MYRFL: variants seen among roughly 807,000 people sequenced by gnomAD.
The protein encoded by MYRFL is myelin regulatory factor like.
A neutral mutation model predicts 109.4 loss-of-function variants in MYRFL; 88 were observed. The observed-to-expected ratio is 0.80, with a 90% CI of 0.68 to 0.96. MYRFL has a LOEUF of 0.96. MYRFL is among the 40% of genes least tolerant of loss of function. The pLI is 0.00. For missense variants in MYRFL, 957 were observed against 954.9 expected, an observed-to-expected ratio of 1.00 and a Z score of -0.03; for synonymous variants, 324 against 320.9, an observed-to-expected ratio of 1.01 and a Z score of -0.10.
intron 15 of MYRFL, 104 bp from the exon 16 acceptor site, chr12:69,932,409 C>T (rs1052712155): frequency 2.8e-6 from 2 of 721,530 alleles, no homozygotes; most frequent in Non-Finnish European, 4.7e-6. Context: ...CTCAAACTAT[C>T]CCAAGAGAGC....
chr12:69,901,642 T>C (rs12368857), intron 10 of MYRFL, among the ~76,000 whole-genome samples: 48,208 of 152,010 alleles, frequency 0.32, 7,949 homozygotes, highest in African/African-American at 0.36. Flanking sequence ...GCTCATTATG[T>C]TCAAAATAGA....
chr12:69,834,701 A>G (rs1288852948), intron 1 of MYRFL, among the ~76,000 whole-genome samples: 1 of 152,216 alleles, frequency 6.6e-6, no homozygotes. Flanking sequence ...TCTTTTTCAA[A>G]GAAACACTCC....
intron 8 of MYRFL, 106 bp downstream of exon 8, chr12:69,893,946 A>T (rs1393643316): frequency 7.4e-6 from 2 of 268,912 alleles, no homozygotes; most frequent in Non-Finnish European, 1.2e-5. Flanking sequence ...TATTTTGCTT[A>T]TTTAAAATGA....
In MYRFL at chr12:69,877,001, GTCTT is replaced by G. The variant is rs201597849; in HGVS notation, c.138-2005_138-2002del. On this transcript the variant is annotated intron_variant, in intron 2 of 24. Coordinates refer to ENST00000552032, the MANE Select transcript of MYRFL (RefSeq NM_182530.3). ...TGGGGAAGCTAATATAAGGGTCCAG[GTCTT>G]TCTTTCTTTCTTTCTTTCTTTTTTT... 7.8e-4 allele frequency among the ~76,000 whole-genome samples: 61 copies of G among 78,574 alleles called. 1 individual carries two copies. The highest frequency in any genetic ancestry group is 2.5e-3 in the African/African-American group (54 of 21,776). The allele number at this position is 78,574 out of a possible 152,430, so 51.5% of individuals were successfully genotyped here.
chr12:69,876,665 G>A (rs1236802149), intron 2 of MYRFL, among the ~76,000 whole-genome samples: 1 of 152,158 alleles, frequency 6.6e-6, no homozygotes, highest in African/African-American at 2.4e-5. Flanking sequence ...TGATGAAGGA[G>A]GGGATGGCTA....
intron 2 of MYRFL, among the ~76,000 whole-genome samples, chr12:69,861,243 A>G (rs1218986044): frequency 2.0e-5 from 3 of 152,038 alleles, no homozygotes; most frequent in Non-Finnish European, 4.4e-5. Context: ...CATGATTTAT[A>G]GTCCTTTGGG....
chr12:69,935,775 G>C (rs1955432457), intron 16 of MYRFL, among the ~76,000 whole-genome samples: 2 of 152,244 alleles, frequency 1.3e-5, no homozygotes, highest in Admixed American at 6.5e-5. Flanking sequence ...GCAAGGAGCA[G>C]TTGCCTCCAG....
At chr12:69,945,982 G>A (rs1955824849) in intron 19 of MYRFL, among the ~76,000 whole-genome samples, 2 of 30,460 alleles carry the variant, frequency 6.6e-5, no homozygotes, top group African/African-American at 1.2e-4. Flanking sequence ...GCGAGACTCC[G>A]TCTCAAAAAA....
chr12:69,903,966 G>C (rs1954277568), intron 11 of MYRFL, 122 bp downstream of exon 11: 2 of 852,142 alleles, frequency 2.3e-6, no homozygotes, highest in Admixed American at 3.0e-5. Flanking sequence ...GGTGTGAGAT[G>C]AACACACTGC....
intron 2 of MYRFL, among the ~76,000 whole-genome samples, chr12:69,864,128 C>CT (rs1326284361): frequency 1.3e-5 from 2 of 152,002 alleles, no homozygotes; most frequent in Non-Finnish European, 2.9e-5. Context: ...AGGTATGAGC[C>CT]TTTTTTTATA....
rs753727468 is a variant in MYRFL at position 69,889,835 on chromosome 12, G to A, written c.708-1136G>A. Among the ~76,000 whole-genome samples the A allele has an allele frequency of 1.6e-3, 238 of 152,054 alleles. 1 individual carries two copies. The highest frequency in any genetic ancestry group is 6.8e-3 in the Middle Eastern group (2 of 294). On this transcript the variant is annotated intron_variant, in intron 6 of 24. Coordinates refer to ENST00000552032, the MANE Select transcript of MYRFL (RefSeq NM_182530.3). Reference sequence around the variant, plus strand: ...TCACGCCACTGCACTCCACCTGGGCGACAGAGCGAGACTCTGTCTCAAAAA... The same window carrying A: ...TCACGCCACTGCACTCCACCTGGGCAACAGAGCGAGACTCTGTCTCAAAAA...
intron 16 of MYRFL, among the ~76,000 whole-genome samples, chr12:69,933,661 C>T (rs1007507591): frequency 2.0e-5 from 3 of 152,126 alleles, no homozygotes; most frequent in Admixed American, 1.3e-4. Context: ...GACACGACTA[C>T]CTAGAATTCC....
intron 2 of MYRFL, among the ~76,000 whole-genome samples, chr12:69,872,360 G>C (rs930974783): frequency 1.6e-4 from 24 of 152,092 alleles, no homozygotes; most frequent in Non-Finnish European, 3.2e-4. Flanking sequence ...GTCTCACTTT[G>C]TCACCTAGGC....
Position 69,895,356 on chromosome 12 carries a change from T to TTTG in MYRFL, c.981-15_981-14insTTG. On this transcript the variant is annotated splice_polypyrimidine_tract_variant and intron_variant, in intron 8 of 24. Coordinates refer to ENST00000552032, the MANE Select transcript of MYRFL (RefSeq NM_182530.3). Reference sequence around the variant, plus strand: ...TTATAGTCTCTTGGTTTTTTTTTTTTGCTGTTTGTTTTAGAATTGACCTAC... The same window carrying TTTG: ...TTATAGTCTCTTGGTTTTTTTTTTTTTTGGCTGTTTGTTTTAGAATTGACCTAC... 1 of 1,501,946 alleles carries TTTG rather than the reference T, an allele frequency of 6.7e-7. No individual in the cohort carries two copies. Among genetic ancestry groups the TTTG allele is most frequent in the Non-Finnish European group, 8.9e-7 (1 of 1,124,032 alleles). The allele number at this position is 1,501,946 out of a possible 1,614,324, so 93.0% of individuals were successfully genotyped here. A position where few individuals can be genotyped will look rare whatever the true frequency, so the allele number is the denominator to read the frequency against.
At chr12:69,878,199 T>C (rs1885806952) in intron 2 of MYRFL, among the ~76,000 whole-genome samples, 1 of 141,504 alleles carries the variant, frequency 7.1e-6, no homozygotes, top group African/African-American at 2.7e-5. Context: ...GCCAAAATCA[T>C]GTCACTGTAC....
Position 69,958,631 on chromosome 12 carries a change from C to T in MYRFL, c.*100C>T. 1.2e-6 allele frequency: 1 copy of T among 853,578 alleles called. No individual in the cohort carries two copies. The highest frequency in any genetic ancestry group is 1.7e-6 in the Non-Finnish European group (1 of 583,676). The allele number at this position is 853,578 out of a possible 1,614,324, so 52.9% of individuals were successfully genotyped here. A position where few individuals can be genotyped will look rare whatever the true frequency, so the allele number is the denominator to read the frequency against. ...AACTTCTTTTTTCTTCTTTGTAAAACATTTACGTTTATTGCTGAAGGACTT... is the reference window on the plus strand; with the variant it reads ...AACTTCTTTTTTCTTCTTTGTAAAATATTTACGTTTATTGCTGAAGGACTT... On this transcript the variant is annotated 3_prime_UTR_variant, in exon 25 of 25. Transcript: ENST00000552032.
chr12:69,940,468 G>T (rs1955608699), intron 19 of MYRFL, among the ~76,000 whole-genome samples: 1 of 149,534 alleles, frequency 6.7e-6, no homozygotes, highest in South Asian at 2.2e-4. Flanking sequence ...CATAAGTGAA[G>T]GAGAAATAAA....
chr12:69,901,903 A>ATTTTTTTTTTTTTTTT (rs1203678206), intron 10 of MYRFL, among the ~76,000 whole-genome samples: 8 of 137,572 alleles, frequency 5.8e-5, no homozygotes, highest in Non-Finnish European at 9.3e-5. Flanking sequence ...GTTTTTTTTA[A>ATTTTTTTTTTTTTTTT]ATTTTCTTGA....
intron 4 of MYRFL, 101 bp downstream of exon 4, chr12:69,879,554 C>T: frequency 1.6e-6 from 1 of 608,788 alleles, no homozygotes; most frequent in South Asian, 1.9e-5. Context: ...GGAGTCCTGT[C>T]CAGGAGATGG....
Sources: gnomAD v4.1 joint callset for allele counts (sites outside exome capture counted in the v4.1 genomes callset) on GRCh38, gnomAD v4.1.1 for gene constraint, MANE v1.5 for transcripts, NCBI Gene and HGNC (gene_info 2026-07-23, HGNC 2026-07-21) for gene names.